CNTNAP5: variants seen among roughly 807,000 people sequenced by gnomAD.
CNTNAP5 encodes the protein contactin-associated protein-like 5.
Under a neutral mutation model 150.2 loss-of-function variants are expected in CNTNAP5, and 72 were observed. That is an observed-to-expected ratio of 0.48 (90% CI 0.40 to 0.58). The LOEUF is 0.58. CNTNAP5 is among the 20% of genes least tolerant of loss of function. The pLI, the probability that CNTNAP5 is intolerant of heterozygous loss-of-function variation, is 0.00. For missense variants in CNTNAP5, 1,636 were observed against 1,626.2 expected (o/e 1.01, Z -0.10); for synonymous variants, 672 against 619.8 (o/e 1.08, Z -1.25).
chr2:124,803,009 G>T (rs1390608083), intron 19 of CNTNAP5, among the ~76,000 whole-genome samples: 2 of 151,920 alleles, frequency 1.3e-5, no homozygotes, highest in Non-Finnish European at 2.9e-5. Context: ...CAGCTACTCG[G>T]GAGGCTGAGG....
chr2:124,804,363 C>T (rs569727405), intron 19 of CNTNAP5, among the ~76,000 whole-genome samples: 2 of 152,264 alleles, frequency 1.3e-5, no homozygotes, highest in Non-Finnish European at 2.9e-5. Context: ...AGCACTGGAT[C>T]TGGTTAATCT....
intron 2 of CNTNAP5, among the ~76,000 whole-genome samples, chr2:124,239,453 A>G (rs1392375594): frequency 2.0e-5 from 3 of 152,202 alleles, no homozygotes; most frequent in Non-Finnish European, 4.4e-5. Context: ...AGAAACAGCA[A>G]AAGTCCTATA....
At chr2:124,506,191 G>GAAA (rs541248963) in intron 8 of CNTNAP5, among the ~76,000 whole-genome samples, 6,366 of 129,190 alleles carry the variant, frequency 0.049, 282 homozygotes, top group Admixed American at 0.1. Flanking sequence ...GACTTTTAAA[G>GAAA]AAAAAAAAAA....
chr2:124,269,432 C>G (rs1168293822), intron 3 of CNTNAP5, among the ~76,000 whole-genome samples: 1 of 152,068 alleles, frequency 6.6e-6, no homozygotes, highest in Non-Finnish European at 1.5e-5. Context: ...GACTGCTTAT[C>G]TGCTAGTAAT....
chr2:124,508,059 T>C (rs538250948), intron 8 of CNTNAP5, among the ~76,000 whole-genome samples: 1 of 151,612 alleles, frequency 6.6e-6, no homozygotes, highest in East Asian at 2.0e-4. Context: ...TTATCCAGGA[T>C]CATCTTAGAT....
chr2:124,574,203 G>A (rs1019390230), intron 11 of CNTNAP5, among the ~76,000 whole-genome samples: 6 of 152,090 alleles, frequency 3.9e-5, no homozygotes, highest in African/African-American at 9.7e-5. Context: ...CGGGGGGGAC[G>A]GGGGATACTC....
rs1212711999 is a variant in CNTNAP5, at chr2:124,384,016, C to A, written c.382-33427C>A. On this transcript the variant is annotated intron_variant, in intron 3 of 23. Coordinates refer to ENST00000682447, the MANE Select transcript of CNTNAP5 (RefSeq NM_001367498.1). Reference sequence around the variant, plus strand: ...AAATGTATTGTCATTTCTTTTATTTCTCTTATTATTGCCCCATTAATCCGT... The same window carrying A: ...AAATGTATTGTCATTTCTTTTATTTATCTTATTATTGCCCCATTAATCCGT... Among the ~76,000 whole-genome samples the A allele has an allele frequency of 3.9e-5, 6 of 152,094 alleles. No individual in the cohort carries two copies. In the East Asian group the frequency reaches 1.2e-3, roughly 29 times the overall value.
intron 1 of CNTNAP5, among the ~76,000 whole-genome samples, chr2:124,174,850 T>C (rs1300297430): frequency 1.3e-5 from 2 of 152,218 alleles, no homozygotes; most frequent in Non-Finnish European, 2.9e-5. Flanking sequence ...ACTTCATTGT[T>C]GTCCTATTTT....
At chr2:124,749,715 A>G (rs535823041) in intron 14 of CNTNAP5, among the ~76,000 whole-genome samples, 1 of 152,104 alleles carries the variant, frequency 6.6e-6, no homozygotes, top group African/African-American at 2.4e-5. Context: ...CTCCCGGCAG[A>G]CTCTGAGTCC....
intron 13 of CNTNAP5, among the ~76,000 whole-genome samples, chr2:124,651,888 C>T (rs1167307076): frequency 1.3e-5 from 2 of 152,102 alleles, no homozygotes; most frequent in African/African-American, 2.4e-5. Context: ...CATGGGAAGG[C>T]CTGTGTATCC....
At chr2:124,870,106 TTCA>T (rs1360809071) in intron 21 of CNTNAP5, among the ~76,000 whole-genome samples, 1 of 152,038 alleles carries the variant, frequency 6.6e-6, no homozygotes, top group African/African-American at 2.4e-5. Flanking sequence ...AACTCAATAG[TTCA>T]TCAAAAATTT....
At chr2:124,610,821 C>T (rs147964377) in intron 12 of CNTNAP5, among the ~76,000 whole-genome samples, 33 of 152,048 alleles carry the variant, frequency 2.2e-4, no homozygotes, top group Admixed American at 1.1e-3. Context: ...TAGCTGGGTG[C>T]GGTGGCATGT....
chr2:124,602,184 A>T (rs1697000835), intron 11 of CNTNAP5, among the ~76,000 whole-genome samples: 1 of 151,960 alleles, frequency 6.6e-6, no homozygotes, highest in African/African-American at 2.4e-5. Context: ...TCTATGAAAA[A>T]TACAAAAAGT....
intron 1 of CNTNAP5, among the ~76,000 whole-genome samples, chr2:124,186,947 G>T (rs1685347691): frequency 6.6e-6 from 1 of 152,142 alleles, no homozygotes; most frequent in South Asian, 2.1e-4. Context: ...AAAAGGGTCT[G>T]CTTTGTTCAA....
chr2:124,035,318 G>C (rs1681183529), intron 1 of CNTNAP5, among the ~76,000 whole-genome samples: 1 of 151,676 alleles, frequency 6.6e-6, no homozygotes, highest in Non-Finnish European at 1.5e-5. Context: ...TCTTCCCCAA[G>C]TTGCTGATCT....
At chr2:124,425,116 T>A (rs373923333) in intron 4 of CNTNAP5, among the ~76,000 whole-genome samples, 51 of 152,314 alleles carry the variant, frequency 3.3e-4, no homozygotes, top group African/African-American at 1.1e-3. Context: ...TGTTTTGCAT[T>A]TACTCCCTGT....
At chr2:124,653,639 G>A (rs1678367614) in intron 13 of CNTNAP5, among the ~76,000 whole-genome samples, 1 of 148,114 alleles carries the variant, frequency 6.8e-6, no homozygotes, top group African/African-American at 2.6e-5. Context: ...TCTGAGTAAG[G>A]AATTGTGATG....
intron 13 of CNTNAP5, among the ~76,000 whole-genome samples, chr2:124,745,432 C>G (rs1348716641): frequency 6.6e-6 from 1 of 152,122 alleles, no homozygotes; most frequent in African/African-American, 2.4e-5. Context: ...ATGCTTCACC[C>G]TCATGCTGGC....
At chr2:124,301,032 TC>T (rs1490921105) in intron 3 of CNTNAP5, among the ~76,000 whole-genome samples, 3 of 152,324 alleles carry the variant, frequency 2.0e-5, no homozygotes, top group African/African-American at 7.2e-5. Context: ...CAAAATGAGC[TC>T]CCTGAAGAAG....
Sources: allele counts gnomAD v4.1 joint callset (sites outside exome capture counted in the v4.1 genomes callset), GRCh38; gene constraint gnomAD v4.1.1; transcripts MANE v1.5; gene names NCBI Gene and HGNC (gene_info 2026-07-23, HGNC 2026-07-21).